Variants in ZFPM2 observed in about 807,000 individuals in gnomAD.
ZFPM2 encodes the protein zinc finger protein ZFPM2.
A neutral mutation model predicts 98.6 loss-of-function variants in ZFPM2; 20 were observed. That is an observed-to-expected ratio of 0.20 (90% CI 0.14 to 0.29). ZFPM2 has a LOEUF of 0.29. Among genes scored for constraint, ZFPM2 ranks in the 10% least tolerant of loss-of-function variants. The pLI, the probability that ZFPM2 is intolerant of heterozygous loss-of-function variation, is 1.00. For synonymous variants in ZFPM2, 518 were observed against 502.7 expected, an observed-to-expected ratio of 1.03 and a Z score of -0.41; for missense variants, 1,310 against 1,388.6, an observed-to-expected ratio of 0.94 and a Z score of 0.90.
At chr8:105,629,332 T>C (rs13254522) in intron 4 of ZFPM2, among the ~76,000 whole-genome samples, 30,867 of 152,190 alleles carry the variant, frequency 0.2, 3,172 homozygotes, top group South Asian at 0.26. Flanking sequence ...TAATGACTTA[T>C]AAATAAATGA....
At chr8:105,482,971 T>A (rs1215750770) in intron 3 of ZFPM2, among the ~76,000 whole-genome samples, 1 of 92,060 alleles carries the variant, frequency 1.1e-5, no homozygotes, top group African/African-American at 4.3e-5. Context: ...CCTTATCTCC[T>A]TCCCTCCCTC....
intron 4 of ZFPM2, among the ~76,000 whole-genome samples, chr8:105,566,382 G>C (rs1344688555): frequency 6.6e-6 from 1 of 152,072 alleles, no homozygotes; most frequent in Non-Finnish European, 1.5e-5. Flanking sequence ...GTTTTTGAAA[G>C]TTTTGCAGTT....
chr8:105,568,766 G>T (rs569824550), intron 4 of ZFPM2, among the ~76,000 whole-genome samples: 4 of 151,994 alleles, frequency 2.6e-5, no homozygotes, highest in Non-Finnish European at 4.4e-5. Context: ...ATTCTAAAGG[G>T]CACGAGAATA....
chr8:105,583,748 T>C (rs897574305), intron 4 of ZFPM2, among the ~76,000 whole-genome samples: 7 of 152,128 alleles, frequency 4.6e-5, no homozygotes, highest in African/African-American at 1.7e-4. Flanking sequence ...AATAAACATA[T>C]GGGCTGGAAT....
intron 1 of ZFPM2, among the ~76,000 whole-genome samples, chr8:105,341,863 A>T (rs1195600175): frequency 6.6e-6 from 1 of 152,030 alleles, no homozygotes; most frequent in Non-Finnish European, 1.5e-5. Context: ...CTGAAATGTT[A>T]TAGTTTTGTA....
intron 5 of ZFPM2, among the ~76,000 whole-genome samples, chr8:105,775,948 C>T (rs917269358): frequency 5.3e-5 from 8 of 152,022 alleles, no homozygotes; most frequent in East Asian, 1.9e-4. Flanking sequence ...TTTATATTCA[C>T]GGGACAAAAC....
At chr8:105,379,383 G>A (rs1206838826) in intron 1 of ZFPM2, among the ~76,000 whole-genome samples, 2 of 152,150 alleles carry the variant, frequency 1.3e-5, no homozygotes, top group Non-Finnish European at 2.9e-5. Flanking sequence ...GAGTTTATAT[G>A]AGATGCTTGT....
In ZFPM2 at chr8:105,380,736, TTA is replaced by T. The variant is rs1343885576; in HGVS notation, c.41-38398_41-38397del. On this transcript the variant is annotated intron_variant, in intron 1 of 7. Coordinates refer to ENST00000407775, the MANE Select transcript of ZFPM2 (RefSeq NM_012082.4). ...ATATATATTATATATAACATATATATTATATATATATGTTATATATAACATAT... is the reference window on the plus strand; with the variant it reads ...ATATATATTATATATAACATATATATTATATATATGTTATATATAACATAT... Among the ~76,000 whole-genome samples, 8 of 41,940 alleles carry T rather than the reference TTA, an allele frequency of 1.9e-4. No individual in the cohort carries two copies. The South Asian group carries it at 2.3e-3, about 12-fold the overall frequency. 27.5% of individuals were successfully genotyped at this position (41,940 alleles called of 152,430 possible).
At chr8:105,760,211 G>T (rs1272912165) in intron 5 of ZFPM2, among the ~76,000 whole-genome samples, 1 of 151,978 alleles carries the variant, frequency 6.6e-6, no homozygotes, top group Non-Finnish European at 1.5e-5. Context: ...TTACCAATGT[G>T]CCTGGAGCAT....
At chr8:105,335,861 G>A (rs888677951) in intron 1 of ZFPM2, among the ~76,000 whole-genome samples, 4 of 151,780 alleles carry the variant, frequency 2.6e-5, no homozygotes, top group South Asian at 4.1e-4. Flanking sequence ...TACGTGCAGC[G>A]TATTCTGATC....
chr8:105,402,699 T>A (rs1215442288), intron 1 of ZFPM2, among the ~76,000 whole-genome samples: 1 of 152,090 alleles, frequency 6.6e-6, no homozygotes, highest in African/African-American at 2.4e-5. Flanking sequence ...AATCAAACTT[T>A]TATTTGTAAT....
chr8:105,568,902 C>T (rs1346186183), intron 4 of ZFPM2, among the ~76,000 whole-genome samples: 2 of 152,076 alleles, frequency 1.3e-5, no homozygotes, highest in Non-Finnish European at 2.9e-5. Context: ...GAACTACATG[C>T]AGTGCCCTGA....
At chr8:105,481,538 A>G (rs1813117839) in intron 3 of ZFPM2, among the ~76,000 whole-genome samples, 1 of 152,166 alleles carries the variant, frequency 6.6e-6, no homozygotes, top group African/African-American at 2.4e-5. Context: ...TTATGAGCTA[A>G]TAATCTAACC....
chr8:105,498,434 T>A (rs1813520418), intron 3 of ZFPM2, among the ~76,000 whole-genome samples: 1 of 152,200 alleles, frequency 6.6e-6, no homozygotes, highest in South Asian at 2.1e-4. Context: ...CAGGTGCTAT[T>A]TCCTCTAAGA....
chr8:105,517,168 G>A (rs1266094519), intron 3 of ZFPM2, among the ~76,000 whole-genome samples: 1 of 152,118 alleles, frequency 6.6e-6, no homozygotes, highest in Non-Finnish European at 1.5e-5. Flanking sequence ...TTCAGTAAAC[G>A]GAAGTAGGGT....
chr8:105,447,493 T>C (rs1209175219), intron 3 of ZFPM2, among the ~76,000 whole-genome samples: 1 of 152,154 alleles, frequency 6.6e-6, no homozygotes, highest in Non-Finnish European at 1.5e-5. Flanking sequence ...GAGTTTCTAA[T>C]GCCCACTAGT....
chr8:105,609,659 G>A, intron 4 of ZFPM2, among the ~76,000 whole-genome samples: 1 of 152,134 alleles, frequency 6.6e-6, no homozygotes, highest in East Asian at 1.9e-4. Context: ...AGTAGACAGT[G>A]CCTGATGGAT....
chr8:105,576,413 T>C (rs1815469502), intron 4 of ZFPM2, among the ~76,000 whole-genome samples: 1 of 152,152 alleles, frequency 6.6e-6, no homozygotes, highest in Non-Finnish European at 1.5e-5. Context: ...GTCCAGTGCT[T>C]ATCTAGAAAA....
At chr8:105,607,129 G>T (rs562026575) in intron 4 of ZFPM2, among the ~76,000 whole-genome samples, 1 of 151,978 alleles carries the variant, frequency 6.6e-6, no homozygotes, top group Non-Finnish European at 1.5e-5. Flanking sequence ...CTCCTCTTCG[G>T]CCATTCCTTA....
Sources: gnomAD v4.1 joint callset for allele counts (sites outside exome capture counted in the v4.1 genomes callset) on GRCh38, gnomAD v4.1.1 for gene constraint, MANE v1.5 for transcripts, NCBI Gene and HGNC (gene_info 2026-07-23, HGNC 2026-07-21) for gene names.